TBC1D4: variants seen among roughly 807,000 people sequenced by gnomAD.
TBC1D4 encodes the protein TBC1 domain family member 4, also known as TBC (Tre-2, BUB2, CDC16) domain-containing protein.
In TBC1D4, 121 loss-of-function variants were observed where a neutral mutation model predicts 142.5. The observed-to-expected ratio is 0.85, with a 90% CI of 0.73 to 0.99. The LOEUF (loss-of-function observed/expected upper bound fraction) is 0.99, where lower values mean the gene tolerates loss of function less well. TBC1D4 is among the 50% of genes least tolerant of loss of function. The probability of loss-of-function intolerance (pLI) is 0.00; values close to 1 mark genes in which losing one functional copy is unlikely to be tolerated. For missense variants in TBC1D4, 1,475 were observed against 1,606.6 expected, an observed-to-expected ratio of 0.92 and a Z score of 1.40; for synonymous variants, 630 against 628.2, an observed-to-expected ratio of 1.00 and a Z score of -0.04.
intron 11 of TBC1D4, 48 bp downstream of exon 11, chr13:75,324,189 T>C (rs1183496706): frequency 6.2e-7 from 1 of 1,608,840 alleles, no homozygotes; most frequent in East Asian, 2.2e-5. Context: ...CATATCAGTA[T>C]ATCACTGCAG....
intron 1 of TBC1D4, among the ~76,000 whole-genome samples, chr13:75,392,363 T>C (rs947129089): frequency 6.6e-6 from 1 of 152,158 alleles, no homozygotes; most frequent in South Asian, 2.1e-4. Context: ...CCTCAGCTGA[T>C]CATTTCCTAT....
chr13:75,478,054 G>A (rs1888691098), intron 1 of TBC1D4, among the ~76,000 whole-genome samples: 1 of 152,224 alleles, frequency 6.6e-6, no homozygotes, highest in African/African-American at 2.4e-5. Flanking sequence ...GTGGAGCCAA[G>A]AGGGAACACA....
chr13:75,286,854 G>C lies in TBC1D4; in HGVS notation c.3835C>G (p.Leu1279Val), dbSNP rs148486011. 67 of 1,613,960 alleles carry C rather than the reference G, an allele frequency of 4.2e-5. No homozygotes were observed. The African/African-American group carries it at 8.4e-4, about 20-fold the overall frequency. ...LPADALVNCD[L>V]LLRDLNCNPN... ...TTGCAGTTTAGGTCTCTCAGCAACAGGTCACAATTGACTAGAGCATCCGCG... is the reference window on the plus strand; with the variant it reads ...TTGCAGTTTAGGTCTCTCAGCAACACGTCACAATTGACTAGAGCATCCGCG... Residue 1279 changes from leucine (L) to valine (V), a missense_variant, in exon 21 of 21, where the codon CTG becomes GTG. Coordinates refer to ENST00000377636, the MANE Select transcript of TBC1D4 (RefSeq NM_014832.5).
chr13:75,463,999 GT>G (rs1174064314), intron 1 of TBC1D4, among the ~76,000 whole-genome samples: 7 of 152,192 alleles, frequency 4.6e-5, no homozygotes, highest in Non-Finnish European at 2.9e-5. Context: ...AGTACCACCG[GT>G]AGTAGTAATC....
intron 1 of TBC1D4, among the ~76,000 whole-genome samples, chr13:75,421,843 C>T (rs1886183492): frequency 6.7e-6 from 1 of 149,712 alleles, no homozygotes; most frequent in African/African-American, 2.5e-5. Flanking sequence ...ATTATTGTGA[C>T]TTAATCACTG....
intron 1 of TBC1D4, among the ~76,000 whole-genome samples, chr13:75,420,924 C>T (rs1344917690): frequency 6.6e-6 from 1 of 152,056 alleles, no homozygotes; most frequent in Non-Finnish European, 1.5e-5. Flanking sequence ...ACAGAAAAGA[C>T]CAAGCAGTTA....
intron 1 of TBC1D4, among the ~76,000 whole-genome samples, chr13:75,394,600 A>G (rs1593837320): frequency 2.1e-5 from 1 of 47,018 alleles, no homozygotes; most frequent in Non-Finnish European, 5.4e-5. Context: ...TATAAACCTT[A>G]TTATTAAATA....
chr13:75,363,058 A>C (rs1159354396), intron 1 of TBC1D4, among the ~76,000 whole-genome samples: 1 of 152,152 alleles, frequency 6.6e-6, no homozygotes, highest in Non-Finnish European at 1.5e-5. Context: ...GCAAATTAAA[A>C]CCACAATAAG....
intron 1 of TBC1D4, among the ~76,000 whole-genome samples, chr13:75,465,921 T>C (rs1182265952): frequency 6.6e-6 from 1 of 152,150 alleles, no homozygotes; most frequent in Non-Finnish European, 1.5e-5. Context: ...CAGAAAATCT[T>C]TTAATCTACC....
In TBC1D4 at chr13:75,284,500, C is replaced by T. The variant is rs1052298516; in HGVS notation, c.*2292G>A. On this transcript the variant is annotated 3_prime_UTR_variant, in exon 21 of 21. Transcript: ENST00000377636. ...TTTGCGCTCCTATGAGAATCTAATG[C>T]CGTGGCTGATCTGACAGGAGTCAGA... Among the ~76,000 whole-genome samples the T allele has an allele frequency of 1.3e-5, 2 of 152,124 alleles. No individual in the cohort carries two copies. The highest frequency in any genetic ancestry group is 4.8e-5 in the African/African-American group (2 of 41,428).
At chr13:75,319,144 CCA>C (rs1350986032) in intron 12 of TBC1D4, among the ~76,000 whole-genome samples, 1 of 152,136 alleles carries the variant, frequency 6.6e-6, no homozygotes, top group Non-Finnish European at 1.5e-5. Context: ...TTGCCAATTA[CCA>C]GTCTCAAAAA....
chr13:75,452,275 A>ATT (rs1566500598), intron 1 of TBC1D4, among the ~76,000 whole-genome samples: 2 of 152,222 alleles, frequency 1.3e-5, no homozygotes, highest in Non-Finnish European at 2.9e-5. Flanking sequence ...CATTTCCTCC[A>ATT]TAGTAAATAA....
intron 1 of TBC1D4, among the ~76,000 whole-genome samples, chr13:75,368,736 A>G (rs1258921330): frequency 6.6e-6 from 1 of 152,168 alleles, no homozygotes; most frequent in African/African-American, 2.4e-5. Context: ...CTGGGGAATC[A>G]TGATTTGATA....
At chr13:75,469,415 CA>C (rs951393267) in intron 1 of TBC1D4, among the ~76,000 whole-genome samples, 1 of 151,986 alleles carries the variant, frequency 6.6e-6, no homozygotes, top group Non-Finnish European at 1.5e-5. Context: ...ATAGTCCCAG[CA>C]AAAGATAAGG....
intron 1 of TBC1D4, among the ~76,000 whole-genome samples, chr13:75,480,875 A>G (rs9573560): frequency 0.068 from 7,169 of 105,764 alleles, 313 homozygotes; most frequent in East Asian, 0.3. Flanking sequence ...GCGCACACGC[A>G]CGCACACACA....
At chr13:75,385,485 A>T (rs1301733576) in intron 1 of TBC1D4, among the ~76,000 whole-genome samples, 1 of 152,250 alleles carries the variant, frequency 6.6e-6, no homozygotes, top group Non-Finnish European at 1.5e-5. Flanking sequence ...AATCAAATTA[A>T]GAGTGTCACC....
chr13:75,324,356 G>C lies in TBC1D4; in HGVS notation c.2079C>G (p.Ser693=), dbSNP rs780839777. ...VRRMYKESNS[S]SSLPSLHTSF... ...AAGTGTGAAGACTTGGAAGACTGGA[G>C]GAAGAATTACTCTCCTTGTACATGC... is the stretch of plus-strand genomic sequence containing the variant. The change falls in exon 11 of 21, where the codon TCC becomes TCG. Residue 693 remains serine (S), a synonymous_variant. Coordinates refer to ENST00000377636, the MANE Select transcript of TBC1D4 (RefSeq NM_014832.5). The C allele has an allele frequency of 1.2e-6, 2 of 1,613,970 alleles. No homozygotes were observed. Among genetic ancestry groups the C allele is most frequent in the Non-Finnish European group, 1.7e-6 (2 of 1,179,888 alleles).
intron 1 of TBC1D4, among the ~76,000 whole-genome samples, chr13:75,413,120 C>T (rs894811133): frequency 1.1e-4 from 17 of 152,086 alleles, no homozygotes; most frequent in Admixed American, 5.9e-4. Context: ...GGAGGAAGAT[C>T]ACAGAAGGTC....
At chr13:75,444,455 T>C (rs1385282331) in intron 1 of TBC1D4, among the ~76,000 whole-genome samples, 1 of 152,192 alleles carries the variant, frequency 6.6e-6, no homozygotes, top group Non-Finnish European at 1.5e-5. Flanking sequence ...AATTAAATGC[T>C]GTGATCATAA....
Sources: allele counts gnomAD v4.1 joint callset (sites outside exome capture counted in the v4.1 genomes callset), GRCh38; gene constraint gnomAD v4.1.1; transcripts MANE v1.5; gene names NCBI Gene and HGNC (gene_info 2026-07-23, HGNC 2026-07-21).